The following PIEZO1 variants were observed in gnomAD, a reference collection of about 807,000 sequenced individuals.
PIEZO1 encodes piezo-type mechanosensitive ion channel component 1.
PIEZO1 carries 296 observed loss-of-function variants against 297.2 expected under a neutral mutation model. The ratio of observed to expected loss-of-function variants is 1.00; its 90% CI spans 0.91 to 1.10. The LOEUF (loss-of-function observed/expected upper bound fraction) is 1.10, where lower values mean the gene tolerates loss of function less well. PIEZO1 is among the 50% of genes least tolerant of loss of function. The probability of loss-of-function intolerance (pLI) is 0.00; values close to 1 mark genes in which losing one functional copy is unlikely to be tolerated. For synonymous variants in PIEZO1, 2,427 were observed against 1,507.5 expected, an observed-to-expected ratio of 1.61 and a Z score of -14.13; for missense variants, 5,018 against 3,455.5, an observed-to-expected ratio of 1.45 and a Z score of -11.34.
In PIEZO1 at chr16:88,722,840, CAGG is replaced by C. The variant is rs1468245898; in HGVS notation, c.4662_4664del (p.Leu1555del). 1 of 1,545,460 alleles carries C rather than the reference CAGG, an allele frequency of 6.5e-7. No homozygotes were observed. Among genetic ancestry groups the C allele is most frequent in the African/African-American group, 1.4e-5 (1 of 73,026 alleles). ...CGTGGTGCACGGGCAGGCTCACCTG[CAGG>C]AGCTCCTGTGTGAGGAGGTAGCGCT... is the stretch of plus-strand genomic sequence containing the variant. On this transcript the variant is annotated inframe_deletion, in exon 34 of 51. Coordinates refer to ENST00000301015, the MANE Select transcript of PIEZO1 (RefSeq NM_001142864.4).
chr16:88,779,677 CTG>C (rs1057485621), intron 1 of PIEZO1, among the ~76,000 whole-genome samples: 1 of 152,220 alleles, frequency 6.6e-6, no homozygotes, highest in East Asian at 1.9e-4. Flanking sequence ...TGGGGACGCG[CTG>C]TGTGTGCAGC....
In PIEZO1 at chr16:88,722,866, G is replaced by A. The variant is rs1014902832; in HGVS notation, c.4639C>T (p.Arg1547Cys). The A allele has an allele frequency of 1.2e-5, 19 of 1,547,810 alleles. No individual in the cohort carries two copies. The highest frequency in any genetic ancestry group is 2.0e-5 in the Admixed American group (1 of 51,002). Reference protein sequence around the residue: ...GTMSDVLRAERYLLTQELLQG... With the variant: ...GTMSDVLRAECYLLTQELLQG... ...AGGAGCTCCTGTGTGAGGAGGTAGC[G>A]CTCTGCCCGCAGCACGTCGCTCATG... The change falls in exon 34 of 51, where the codon CGC becomes TGC. Residue 1547 changes from arginine (R) to cysteine (C), a missense_variant. Coordinates refer to ENST00000301015, the MANE Select transcript of PIEZO1 (RefSeq NM_001142864.4).
chr16:88,715,764 C>T lies in PIEZO1; in HGVS notation c.7407G>A (p.Glu2469=). The T allele has an allele frequency of 6.4e-7, 1 of 1,550,438 alleles. No individual in the cohort carries two copies. The highest frequency in any genetic ancestry group is 8.7e-7 in the Non-Finnish European group (1 of 1,146,980). Residue 2469 remains glutamate, a synonymous_variant, in exon 51 of 51, where the codon GAG becomes GAA. Coordinates refer to ENST00000301015, the MANE Select transcript of PIEZO1 (RefSeq NM_001142864.4). ...GGATGCGGTCCACGCACGGCAGCTC[C>T]TCGAACATAATGGAGTGCGAGATCT... ...FSEISHSIMF[E]ELPCVDRILK...
chr16:88,737,361 C>G (rs1335097491), intron 10 of PIEZO1, 198 bp downstream of exon 10: 2 of 553,804 alleles, frequency 3.6e-6, no homozygotes, highest in Non-Finnish European at 6.4e-6. Context: ...GGGGGTTGGT[C>G]AGTGACATGG....
Position 88,720,518 on chromosome 16 carries a change from T to TA in PIEZO1, c.5815dup (p.Tyr1939LeufsTer30). On this transcript the variant is annotated frameshift_variant, in exon 41 of 51. Transcript: ENST00000301015. LOFTEE classifies it high-confidence loss of function. ...GTGGAAGAAGCGCCGTAGCGGCCGATATGTGCCCTGGGCCCTGCGGAAGGG... is the reference window on the plus strand; with the variant it reads ...GTGGAAGAAGCGCCGTAGCGGCCGATAATGTGCCCTGGGCCCTGCGGAAGGG... 1.3e-6 allele frequency: 2 copies of TA among 1,550,090 alleles called. No individual in the cohort carries two copies. Among genetic ancestry groups the TA allele is most frequent in the Non-Finnish European group, 8.7e-7 (1 of 1,146,944 alleles).
chr16:88,770,004 AC>A (rs1567693740), intron 1 of PIEZO1, among the ~76,000 whole-genome samples: 1 of 151,858 alleles, frequency 6.6e-6, no homozygotes, highest in Non-Finnish European at 1.5e-5. Flanking sequence ...GAGGCTCGGG[AC>A]CCCCACGCCT....
intron 2 of PIEZO1, chr16:88,743,939 C>A (rs1346991952): frequency 6.9e-6 from 2 of 291,516 alleles, no homozygotes; most frequent in African/African-American, 4.4e-5. Flanking sequence ...GAGGCTGCAG[C>A]CCCGACACGA....
intron 27 of PIEZO1, chr16:88,726,036 G>T: frequency 3.5e-6 from 2 of 570,392 alleles, no homozygotes; most frequent in South Asian, 4.4e-5. Flanking sequence ...GGGAAAGTTG[G>T]CTGGGGGTGA....
intron 17 of PIEZO1, 79 bp downstream of exon 17, chr16:88,733,827 G>C: frequency 8.9e-6 from 13 of 1,465,464 alleles, no homozygotes; most frequent in Non-Finnish European, 1.1e-5. Flanking sequence ...GAGCCCAGAG[G>C]GGACTCTGCC....
chr16:88,752,339 G>A (rs1191662126), intron 1 of PIEZO1, among the ~76,000 whole-genome samples: 4 of 152,058 alleles, frequency 2.6e-5, no homozygotes, highest in Admixed American at 6.6e-5. Flanking sequence ...AAAATTAGCC[G>A]GGGATGATGG....
intron 31 of PIEZO1, 142 bp from the exon 32 acceptor site, chr16:88,723,470 G>A (rs549859610): frequency 7.1e-5 from 69 of 970,750 alleles, no homozygotes; most frequent in Admixed American, 6.5e-4. Flanking sequence ...AGCCCCTCCC[G>A]GATGGGGACC....
At chr16:88,776,004 C>G (rs1207692170) in intron 1 of PIEZO1, among the ~76,000 whole-genome samples, 1 of 152,158 alleles carries the variant, frequency 6.6e-6, no homozygotes, top group Non-Finnish European at 1.5e-5. Flanking sequence ...CTCCAGCATG[C>G]GCAGCACAGG....
chr16:88,784,063 G>C (rs1295232693), intron 1 of PIEZO1, among the ~76,000 whole-genome samples: 3 of 152,234 alleles, frequency 2.0e-5, no homozygotes, highest in African/African-American at 4.8e-5. Context: ...GTCCCGGCTA[G>C]GCCAGGGTCG....
At chr16:88,762,638 C>T (rs1260699932) in intron 1 of PIEZO1, among the ~76,000 whole-genome samples, 1 of 152,176 alleles carries the variant, frequency 6.6e-6, no homozygotes, top group Non-Finnish European at 1.5e-5. Flanking sequence ...GGCAGCCTCT[C>T]GGGTCTCCCG....
At chr16:88,731,476 G>A (rs1472037366) in intron 22 of PIEZO1, 4 of 567,388 alleles carry the variant, frequency 7.0e-6, no homozygotes, top group Non-Finnish European at 1.3e-5. Flanking sequence ...ATAGAATACT[G>A]GGCAAAAAAG....
Position 88,715,703 on chromosome 16 carries a change from T to G in PIEZO1, c.7468A>C (p.Thr2490Pro). ...LCQDIFLVRE[T>P]RELELEEELY... is the part of the protein sequence containing the mutation. ...TCCTCCTCCAGCTCCAGCTCCCGAG[T>G]CTCCCGCACCAGGAAGATGTCCTGG... Residue 2490 changes from threonine to proline, a missense_variant, in exon 51 of 51, where the codon ACT becomes CCT. Physicochemically the swap from Thr to Pro is conservative, Grantham distance 38 (BLOSUM62 -1). Coordinates refer to ENST00000301015, the MANE Select transcript of PIEZO1 (RefSeq NM_001142864.4). 1 of 1,549,840 alleles carries G rather than the reference T, an allele frequency of 6.5e-7. No homozygotes were observed. Among genetic ancestry groups the G allele is most frequent in the Non-Finnish European group, 8.7e-7 (1 of 1,146,530 alleles).
chr16:88,722,294 C>G lies in PIEZO1; in HGVS notation c.4879G>C (p.Asp1627His). 6.5e-7 allele frequency: 1 copy of G among 1,548,444 alleles called. No individual in the cohort carries two copies. Among genetic ancestry groups the G allele is most frequent in the South Asian group, 1.2e-5 (1 of 83,996 alleles). The change falls in exon 36 of 51, where the codon GAC (aspartate) becomes CAC (histidine). Residue 1627 changes from aspartate to histidine, a missense_variant. Physicochemically the swap from Asp to His is moderately conservative, Grantham distance 81. Coordinates refer to ENST00000301015, the MANE Select transcript of PIEZO1 (RefSeq NM_001142864.4). ...GCACCAGCCTCACGCTCCCCGGGGT[C>G]GGTGACTGCCTCCTCACTGCCACTG... ...TRSGSEEAVT[D>H]PGEREAGASL...
chr16:88,780,334 AG>A (rs987436365), intron 1 of PIEZO1, among the ~76,000 whole-genome samples: 10 of 152,044 alleles, frequency 6.6e-5, no homozygotes, highest in African/African-American at 2.2e-4. Flanking sequence ...AAGCCAGCAG[AG>A]GAGCTCAAAG....
chr16:88,719,031 G>C (rs892178523), intron 44 of PIEZO1: 1 of 155,752 alleles, frequency 6.4e-6, no homozygotes, highest in African/African-American at 2.4e-5. Context: ...TTTTACATTT[G>C]CTGAGGCAGG....
Sources: gnomAD v4.1 joint callset for allele counts (sites outside exome capture counted in the v4.1 genomes callset) on GRCh38, gnomAD v4.1.1 for gene constraint, MANE v1.5 for transcripts, NCBI Gene and HGNC (gene_info 2026-07-23, HGNC 2026-07-21) for gene names.